CSMD1: variants seen among roughly 807,000 people sequenced by gnomAD.
CSMD1 encodes the protein CUB and sushi domain-containing protein 1.
Under a neutral mutation model 417.5 loss-of-function variants are expected in CSMD1, and 213 were observed. The observed-to-expected ratio is 0.51, with a 90% CI of 0.46 to 0.57. CSMD1 has a LOEUF of 0.57. Among genes scored for constraint, CSMD1 ranks in the 20% least tolerant of loss-of-function variants. The pLI is 0.00. For missense variants in CSMD1, 6,923 were observed against 4,529.7 expected, an observed-to-expected ratio of 1.53 and a Z score of -15.17; for synonymous variants, 2,862 against 1,736.8, an observed-to-expected ratio of 1.65 and a Z score of -16.11.
chr8:2,954,364 G>T, intron 64 of CSMD1, 96 bp from the exon 65 acceptor site: 1 of 699,356 alleles, frequency 1.4e-6, no homozygotes, highest in Non-Finnish European at 2.3e-6. Flanking sequence ...CCTTTCTCCA[G>T]ATTTTTTTAA....
intron 12 of CSMD1, among the ~76,000 whole-genome samples, chr8:3,436,145 T>C (rs182418000): frequency 1.3e-3 from 203 of 152,262 alleles, no homozygotes; most frequent in African/African-American, 4.7e-3. Context: ...CATTTTTCTT[T>C]ATTGAATTTA....
At chr8:4,243,707 T>A (rs1049533732) in intron 3 of CSMD1, among the ~76,000 whole-genome samples, 3 of 152,174 alleles carry the variant, frequency 2.0e-5, no homozygotes, top group Non-Finnish European at 4.4e-5. Flanking sequence ...CATGGTATCG[T>A]ACATCCATAA....
intron 12 of CSMD1, among the ~76,000 whole-genome samples, chr8:3,457,703 A>C (rs1563057649): frequency 6.6e-6 from 1 of 152,246 alleles, no homozygotes; most frequent in African/African-American, 2.4e-5. Flanking sequence ...TGAGATCATA[A>C]AAACTCGTAA....
At position 4,237,138 on chromosome 8, in the gene CSMD1, A is replaced by G. The variant is rs193296574; in HGVS notation, c.415+182815T>C. 5.3e-5 allele frequency among the ~76,000 whole-genome samples: 8 copies of G among 152,276 alleles called. 1 individual carries two copies. The East Asian group carries it at 1.4e-3, about 26-fold the overall frequency. On this transcript the variant is annotated intron_variant, in intron 3 of 69. Transcript: ENST00000635120. ...ACTAGCTACTTTGCACGGAAGCCCT[A>G]AAGAAATTCTTACTGATTGAAACTC... is the stretch of plus-strand genomic sequence containing the variant.
intron 3 of CSMD1, among the ~76,000 whole-genome samples, chr8:4,355,894 G>T (rs1285856696): frequency 6.6e-6 from 1 of 151,794 alleles, no homozygotes. Flanking sequence ...AACAGCGCAG[G>T]TGAGTCTCAT....
intron 5 of CSMD1, among the ~76,000 whole-genome samples, chr8:3,926,629 G>A (rs1366391907): frequency 6.7e-6 from 1 of 148,494 alleles, no homozygotes; most frequent in Non-Finnish European, 1.5e-5. Flanking sequence ...TTTATGAAAA[G>A]CATATTATTA....
intron 41 of CSMD1, among the ~76,000 whole-genome samples, chr8:3,142,183 G>A (rs1312744065): frequency 6.6e-6 from 1 of 152,154 alleles, no homozygotes; most frequent in Non-Finnish European, 1.5e-5. Flanking sequence ...CACACATCTG[G>A]CTCTGCGTGA....
At chr8:4,212,118 A>G (rs376272089) in intron 3 of CSMD1, among the ~76,000 whole-genome samples, 1 of 151,718 alleles carries the variant, frequency 6.6e-6, no homozygotes, top group South Asian at 2.1e-4. Context: ...TTCAAAGACC[A>G]TGTAGGAGAA....
intron 5 of CSMD1, among the ~76,000 whole-genome samples, chr8:3,824,047 A>G (rs1238419162): frequency 6.6e-6 from 1 of 152,120 alleles, no homozygotes; most frequent in Non-Finnish European, 1.5e-5. Context: ...AAAGTCTGAT[A>G]TTTCATTCTT....
chr8:4,429,903 A>T (rs1001064761), intron 2 of CSMD1, among the ~76,000 whole-genome samples: 1 of 152,026 alleles, frequency 6.6e-6, no homozygotes, highest in Non-Finnish European at 1.5e-5. Context: ...TTTGGCCAAG[A>T]CTTGGGGATT....
intron 2 of CSMD1, among the ~76,000 whole-genome samples, chr8:4,426,654 T>C (rs990370862): frequency 1.4e-5 from 2 of 147,228 alleles, no homozygotes; most frequent in Non-Finnish European, 3.0e-5. Flanking sequence ...GTTATTCATA[T>C]TTTATAGTAA....
chr8:3,581,897 G>A (rs1386033158), intron 9 of CSMD1, among the ~76,000 whole-genome samples: 2 of 152,002 alleles, frequency 1.3e-5, no homozygotes, highest in South Asian at 2.1e-4. Flanking sequence ...CGCCACCTTC[G>A]AGATTCAAGT....
intron 27 of CSMD1, among the ~76,000 whole-genome samples, chr8:3,226,440 G>A (rs529165804): frequency 1.8e-4 from 27 of 152,034 alleles, no homozygotes; most frequent in East Asian, 1.2e-3. Context: ...AAAAATAGCC[G>A]GGCGTGGTGG....
Position 4,747,840 on chromosome 8 carries a change from A to C in CSMD1, c.86-110282T>G, listed in dbSNP as rs186355380. Among the ~76,000 whole-genome samples the C allele has an allele frequency of 1.4e-3, 212 of 152,314 alleles. 5 individuals carry two copies. The South Asian group carries it at 0.038, about 27-fold the overall frequency. On this transcript the variant is annotated intron_variant, in intron 1 of 69. Coordinates refer to ENST00000635120, the MANE Select transcript of CSMD1 (RefSeq NM_033225.6). ...TCATTTGTAAATGTCTCTATTCATCAACTGTTCAGGTCTCTTTTCTGTCAT... is the reference window on the plus strand; with the variant it reads ...TCATTTGTAAATGTCTCTATTCATCCACTGTTCAGGTCTCTTTTCTGTCAT...
intron 17 of CSMD1, among the ~76,000 whole-genome samples, chr8:3,394,191 T>C (rs1050208160): frequency 1.4e-5 from 2 of 146,674 alleles, no homozygotes; most frequent in Admixed American, 6.8e-5. Context: ...GGGTAGTCAT[T>C]CTTTTAAGAT....
intron 1 of CSMD1, among the ~76,000 whole-genome samples, chr8:4,767,870 G>C (rs980293261): frequency 5.9e-5 from 9 of 152,172 alleles, no homozygotes; most frequent in African/African-American, 2.2e-4. Flanking sequence ...GATGCTACTA[G>C]CTAGTTTACA....
chr8:4,019,121 G>C (rs1430016472), intron 4 of CSMD1, among the ~76,000 whole-genome samples: 2 of 152,066 alleles, frequency 1.3e-5, no homozygotes, highest in African/African-American at 2.4e-5. Flanking sequence ...TTTTGTACTA[G>C]GCCATGGTAT....
At chr8:4,618,560 T>C (rs78265491) in intron 2 of CSMD1, among the ~76,000 whole-genome samples, 5,943 of 151,888 alleles carry the variant, frequency 0.039, 252 homozygotes, top group East Asian at 0.18. Flanking sequence ...TCTTATCGCC[T>C]ACATAGCCTT....
intron 3 of CSMD1, among the ~76,000 whole-genome samples, chr8:4,353,877 G>T (rs1035367343): frequency 6.6e-6 from 1 of 152,126 alleles, no homozygotes; most frequent in African/African-American, 2.4e-5. Flanking sequence ...TACAGCAATA[G>T]TGCCAGGGAA....
Sources: gnomAD v4.1 joint callset for allele counts (sites outside exome capture counted in the v4.1 genomes callset) on GRCh38, gnomAD v4.1.1 for gene constraint, MANE v1.5 for transcripts, NCBI Gene and HGNC (gene_info 2026-07-23, HGNC 2026-07-21) for gene names.